Variants in SOX6 observed in about 807,000 individuals in gnomAD.
SOX6 encodes the protein SRY-box transcription factor 6.
A neutral mutation model predicts 97.8 loss-of-function variants in SOX6; 11 were observed. That is an observed-to-expected ratio of 0.11 (90% confidence interval 0.07 to 0.19). SOX6 has a LOEUF of 0.19. Ranked by LOEUF, SOX6 falls within the 10% of genes least tolerant of loss-of-function variation. SOX6 has a pLI of 1.00. For synonymous variants in SOX6, 360 were observed against 371.4 expected, an observed-to-expected ratio of 0.97 and a Z score of 0.35; for missense variants, 810 against 1,039.5, an observed-to-expected ratio of 0.78 and a Z score of 3.04.
At chr11:16,098,373 TG>T (rs1186532100) in intron 7 of SOX6, among the ~76,000 whole-genome samples, 1 of 151,826 alleles carries the variant, frequency 6.6e-6, no homozygotes, top group African/African-American at 2.4e-5. Flanking sequence ...ATTAAATAAA[TG>T]CGCATTTTAC....
chr11:15,996,144 C>T (rs1294638255), intron 13 of SOX6, among the ~76,000 whole-genome samples: 1 of 151,984 alleles, frequency 6.6e-6, no homozygotes, highest in Admixed American at 6.5e-5. Context: ...AATATAACAT[C>T]GTATTGTGGG....
At chr11:16,148,263 G>A (rs748534205) in intron 6 of SOX6, among the ~76,000 whole-genome samples, 2 of 152,068 alleles carry the variant, frequency 1.3e-5, no homozygotes, top group Non-Finnish European at 2.9e-5. Flanking sequence ...TAATATGGGA[G>A]GAAATTTAGT....
At chr11:16,348,622 G>C (rs1167126690) in intron 1 of SOX6, among the ~76,000 whole-genome samples, 2 of 152,066 alleles carry the variant, frequency 1.3e-5, no homozygotes, top group African/African-American at 4.8e-5. Context: ...CAACTTTCCA[G>C]ACATTTCCAA....
At chr11:16,297,262 CAAGT>C (rs1855121829) in intron 3 of SOX6, among the ~76,000 whole-genome samples, 2 of 152,062 alleles carry the variant, frequency 1.3e-5, no homozygotes, top group Non-Finnish European at 2.9e-5. Context: ...ACCCAAGAAG[CAAGT>C]GTCTACTGTT....
chr11:16,677,496 T>C (rs1185736747), intron 3 of SOX6, among the ~76,000 whole-genome samples: 1 of 152,238 alleles, frequency 6.6e-6, no homozygotes, highest in Non-Finnish European at 1.5e-5. Flanking sequence ...TACTCCACCA[T>C]TTTTGTTTAT....
chr11:16,094,634 T>C (rs569703547), intron 9 of SOX6, among the ~76,000 whole-genome samples: 2 of 152,022 alleles, frequency 1.3e-5, no homozygotes, highest in African/African-American at 4.8e-5. Context: ...ACATATAAAC[T>C]TGTTCCTAAT....
At chr11:16,036,294 G>C (rs1416239655) in intron 12 of SOX6, among the ~76,000 whole-genome samples, 1 of 151,978 alleles carries the variant, frequency 6.6e-6, no homozygotes, top group African/African-American at 2.4e-5. Flanking sequence ...AGTCAGGCTG[G>C]TCTCGAACTC....
intron 3 of SOX6, among the ~76,000 whole-genome samples, chr11:16,712,863 T>C (rs1848191980): frequency 6.6e-6 from 1 of 152,248 alleles, no homozygotes; most frequent in Non-Finnish European, 1.5e-5. Flanking sequence ...TTAATTATTA[T>C]ATTTCCCATG....
intron 2 of SOX6, among the ~76,000 whole-genome samples, chr11:16,721,579 C>CCTCCCTCT (rs1564877394): frequency 4.7e-5 from 1 of 21,308 alleles, no homozygotes; most frequent in Admixed American, 4.8e-4. Flanking sequence ...TCCCTCCCTC[C>CCTCCCTCT]CTCTCTCTCT....
intron 9 of SOX6, among the ~76,000 whole-genome samples, chr11:16,080,153 T>C (rs1184305302): frequency 6.6e-6 from 1 of 151,372 alleles, no homozygotes; most frequent in African/African-American, 2.4e-5. Flanking sequence ...TTAATTACCT[T>C]GATTGACTCT....
chr11:16,278,126 T>A (rs2134238665), intron 3 of SOX6, among the ~76,000 whole-genome samples: 1 of 152,316 alleles, frequency 6.6e-6, no homozygotes, highest in Admixed American at 6.5e-5. Flanking sequence ...TTACCTTATC[T>A]CAACCATTTA....
chr11:16,131,833 T>A (rs1849747382), intron 6 of SOX6, among the ~76,000 whole-genome samples: 1 of 152,046 alleles, frequency 6.6e-6, no homozygotes, highest in Admixed American at 6.6e-5. Context: ...AGACTATTTA[T>A]TGTATGATTC....
chr11:16,279,415 T>C (rs1434505410), intron 3 of SOX6, among the ~76,000 whole-genome samples: 1 of 152,088 alleles, frequency 6.6e-6, no homozygotes, highest in Non-Finnish European at 1.5e-5. Flanking sequence ...TTTTAGACTA[T>C]CTTTTAAAAA....
At chr11:16,369,854 A>T (rs1232392194) in intron 1 of SOX6, among the ~76,000 whole-genome samples, 3 of 152,080 alleles carry the variant, frequency 2.0e-5, no homozygotes. Context: ...AATGAGAGAG[A>T]CTAGTAAGAA....
At chr11:16,421,321 A>G (rs1038866672) in intron 1 of SOX6, among the ~76,000 whole-genome samples, 2 of 152,184 alleles carry the variant, frequency 1.3e-5, no homozygotes, top group Non-Finnish European at 2.9e-5. Flanking sequence ...AATGAAATAA[A>G]AAGATTTTAC....
chr11:16,296,948 A>C (rs1855112873), intron 3 of SOX6, among the ~76,000 whole-genome samples: 1 of 152,176 alleles, frequency 6.6e-6, no homozygotes, highest in Non-Finnish European at 1.5e-5. Flanking sequence ...CACAAATTAA[A>C]GACTGTCTTC....
intron 6 of SOX6, among the ~76,000 whole-genome samples, chr11:16,116,528 G>A (rs555988893): frequency 2.6e-5 from 4 of 152,256 alleles, no homozygotes; most frequent in African/African-American, 9.6e-5. Flanking sequence ...TATAATTGTA[G>A]GTTTGCATGT....
intron 1 of SOX6, among the ~76,000 whole-genome samples, chr11:16,463,936 A>G (rs917738396): frequency 6.6e-6 from 1 of 152,214 alleles, no homozygotes; most frequent in Non-Finnish European, 1.5e-5. Context: ...ATTACACTCA[A>G]CAAATGACCA....
chr11:16,667,757 G>A (rs993597607), intron 3 of SOX6, among the ~76,000 whole-genome samples: 1 of 152,132 alleles, frequency 6.6e-6, no homozygotes, highest in South Asian at 2.1e-4. Flanking sequence ...AAAGTCACTG[G>A]TAATAGTATG....
Sources: allele counts gnomAD v4.1 joint callset (sites outside exome capture counted in the v4.1 genomes callset), GRCh38; gene constraint gnomAD v4.1.1; transcripts MANE v1.5; gene names NCBI Gene and HGNC (gene_info 2026-07-23, HGNC 2026-07-21).